PLB1: variants seen among roughly 807,000 people sequenced by gnomAD.
PLB1 encodes phospholipase B1, membrane-associated.
In PLB1, 242 loss-of-function variants were observed where a neutral mutation model predicts 227.4. The ratio of observed to expected loss-of-function variants is 1.06; its 90% CI spans 0.96 to 1.18. PLB1 has a LOEUF of 1.18. PLB1 is among the 50% of genes most tolerant of loss of function. PLB1 has a pLI of 0.00. For synonymous variants in PLB1, 757 were observed against 682.2 expected, an observed-to-expected ratio of 1.11 and a Z score of -1.71; for missense variants, 1,858 against 1,816.3, an observed-to-expected ratio of 1.02 and a Z score of -0.42.
chr2:28,563,718 C>T (rs112213724), intron 18 of PLB1, among the ~76,000 whole-genome samples: 7 of 152,242 alleles, frequency 4.6e-5, no homozygotes, highest in Non-Finnish European at 1.0e-4. Flanking sequence ...CCCTTGAGAG[C>T]CTGGGGGCTG....
chr2:28,603,758 A>G (rs7569802), intron 39 of PLB1, among the ~76,000 whole-genome samples: 43,142 of 152,138 alleles, frequency 0.28, 6,246 homozygotes, highest in East Asian at 0.4. Flanking sequence ...TCATTCCCAC[A>G]CTGGCTCCCT....
intron 10 of PLB1, 78 bp from the exon 11 acceptor site, chr2:28,539,021 C>A: frequency 8.5e-7 from 1 of 1,179,084 alleles, no homozygotes; most frequent in Non-Finnish European, 1.3e-6. Flanking sequence ...CCAACGGGGC[C>A]CAAGCAGGAG....
Position 28,529,362 on chromosome 2 carries a change from C to T in PLB1, c.371C>T (p.Pro124Leu), listed in dbSNP as rs1169215646. The T allele has an allele frequency of 1.9e-6, 3 of 1,611,552 alleles. No individual in the cohort carries two copies. The highest frequency in any genetic ancestry group is 1.7e-5 in the Admixed American group (1 of 60,014). Residue 124 changes from proline to leucine, a missense_variant, in exon 7 of 58, where the codon CCT becomes CTT. Pro to Leu is a moderately conservative substitution (Grantham distance 98, BLOSUM62 -3). Coordinates refer to ENST00000327757, the MANE Select transcript of PLB1 (RefSeq NM_153021.5). Reference protein sequence around the residue: ...IRYFSPSVPMPVCHTGKRVIP... With the variant: ...IRYFSPSVPMLVCHTGKRVIP... ...TATTTCAGTCCTTCTGTTCCAATGC[C>T]TGTGTGCCACACTGGAAAGAGAGTC...
At chr2:28,611,373 G>A (rs747412396) in intron 43 of PLB1, among the ~76,000 whole-genome samples, 4 of 152,136 alleles carry the variant, frequency 2.6e-5, no homozygotes, top group Non-Finnish European at 5.9e-5. Flanking sequence ...TTCTGGTCAC[G>A]GTAGGACTGA....
intron 1 of PLB1, among the ~76,000 whole-genome samples, chr2:28,502,156 C>T (rs1485092025): frequency 6.6e-6 from 1 of 152,108 alleles, no homozygotes; most frequent in East Asian, 1.9e-4. Context: ...GACAACAAAG[C>T]ATGCAGTCAA....
chr2:28,548,694 GC>G, intron 14 of PLB1, 165 bp from the exon 15 acceptor site: 1 of 676,498 alleles, frequency 1.5e-6, no homozygotes. Context: ...TGCTGCCCCA[GC>G]CCCAGAGTCT....
At chr2:28,543,296 C>T (rs1466892771) in intron 14 of PLB1, 28 bp downstream of exon 14, 1 of 1,604,664 alleles carries the variant, frequency 6.2e-7, no homozygotes, top group Non-Finnish European at 8.5e-7. Context: ...GGGGTGGGGC[C>T]CACAGAGGAG....
intron 4 of PLB1, among the ~76,000 whole-genome samples, chr2:28,520,116 C>T (rs1669319939): frequency 6.6e-6 from 1 of 151,738 alleles, no homozygotes; most frequent in South Asian, 2.1e-4. Context: ...TTAGTAGAGA[C>T]AGAGTTTCTC....
At chr2:28,593,550 C>T (rs1682363395) in intron 32 of PLB1, 131 bp from the exon 33 acceptor site, 3 of 719,800 alleles carry the variant, frequency 4.2e-6, no homozygotes, top group African/African-American at 1.8e-5. Context: ...GAGCCAGGGG[C>T]TCCTGGTTCC....
At chr2:28,508,288 A>T (rs193189013) in intron 1 of PLB1, among the ~76,000 whole-genome samples, 1 of 152,110 alleles carries the variant, frequency 6.6e-6, no homozygotes, top group Non-Finnish European at 1.5e-5. Context: ...TGCTCACCTC[A>T]TCTCCTCTAG....
intron 1 of PLB1, among the ~76,000 whole-genome samples, chr2:28,502,217 T>C (rs1273967311): frequency 6.6e-6 from 1 of 152,222 alleles, no homozygotes; most frequent in Admixed American, 6.5e-5. Flanking sequence ...TAGTTTATCT[T>C]ATTACAATGT....
intron 14 of PLB1, 106 bp from the exon 15 acceptor site, chr2:28,548,754 C>T (rs940482524): frequency 1.4e-5 from 15 of 1,048,830 alleles, no homozygotes; most frequent in Admixed American, 7.8e-5. Context: ...ATTTCTAATG[C>T]GTTCCCTGGT....
chr2:28,516,778 A>G, intron 1 of PLB1, 30 bp from the exon 2 acceptor site: 1 of 1,598,504 alleles, frequency 6.3e-7, no homozygotes, highest in Non-Finnish European at 8.6e-7. Flanking sequence ...TTCCAGCTAA[A>G]TAACTTGAAC....
At chr2:28,573,118 C>A in intron 20 of PLB1, 79 bp from the exon 21 acceptor site, 1 of 1,110,256 alleles carries the variant, frequency 9.0e-7, no homozygotes, top group South Asian at 1.3e-5. Flanking sequence ...TGTTCCCTAA[C>A]ACCCACTGGT....
intron 51 of PLB1, among the ~76,000 whole-genome samples, chr2:28,626,753 C>T (rs991562676): frequency 1.3e-5 from 2 of 152,190 alleles, no homozygotes; most frequent in Non-Finnish European, 2.9e-5. Context: ...CCAAGGTGGA[C>T]CCACTGTAGG....
At chr2:28,558,316 T>G (rs2148231905) in intron 17 of PLB1, among the ~76,000 whole-genome samples, 1 of 152,296 alleles carries the variant, frequency 6.6e-6, no homozygotes, top group South Asian at 2.1e-4. Context: ...GTCCCAAGGA[T>G]TTCCCCTAAC....
In PLB1 at chr2:28,620,284, CA is replaced by C; in HGVS notation, c.3338del (p.Asn1113ThrfsTer33). The part of the protein sequence containing the change: ...DSLTTAVGAR[P>X]NNSSDLPTSW... ...TTACAGACAGCAGTGGGAGCTCGAC[CA>C]AACAACTCCAGTGACCTACCCACAT... is the stretch of plus-strand genomic sequence containing the variant. On this transcript the variant is annotated frameshift_variant, in exon 47 of 58. Coordinates refer to ENST00000327757, the MANE Select transcript of PLB1 (RefSeq NM_153021.5). LOFTEE classifies it high-confidence loss of function. 1 of 1,604,982 alleles carries C rather than the reference CA, an allele frequency of 6.2e-7. No individual in the cohort carries two copies. Among genetic ancestry groups the C allele is most frequent in the Middle Eastern group, 1.7e-4 (1 of 6,038 alleles).
intron 33 of PLB1, 193 bp downstream of exon 33, chr2:28,593,947 C>CTTTTTTTTTTT (rs386389801): frequency 1.9e-6 from 1 of 532,284 alleles, no homozygotes. Flanking sequence ...TGTTGATAAT[C>CTTTTTTTTTTT]TTTTTTTTTT....
intron 44 of PLB1, 121 bp from the exon 45 acceptor site, chr2:28,617,606 C>G: frequency 1.1e-6 from 1 of 924,330 alleles, no homozygotes; most frequent in Non-Finnish European, 1.8e-6. Flanking sequence ...CTCACATGAT[C>G]CTGTATGGTG....
Sources: gnomAD v4.1 joint callset for allele counts (sites outside exome capture counted in the v4.1 genomes callset) on GRCh38, gnomAD v4.1.1 for gene constraint, MANE v1.5 for transcripts, NCBI Gene and HGNC (gene_info 2026-07-23, HGNC 2026-07-21) for gene names.